Variants in NR6A1 observed in about 807,000 individuals in gnomAD.
NR6A1 encodes retinoic acid receptor-related testis-associated receptor.
Under a neutral mutation model 59.1 loss-of-function variants are expected in NR6A1, and 7 were observed. That is an observed-to-expected ratio of 0.12 (90% CI 0.07 to 0.22). The LOEUF (loss-of-function observed/expected upper bound fraction) is 0.22, where lower values mean the gene tolerates loss of function less well. NR6A1 is among the 10% of genes least tolerant of loss of function. The pLI is 1.00. For synonymous variants in NR6A1, 243 were observed against 236.1 expected, an observed-to-expected ratio of 1.03 and a Z score of -0.27; for missense variants, 468 against 611.6, an observed-to-expected ratio of 0.77 and a Z score of 2.48.
intron 2 of NR6A1, among the ~76,000 whole-genome samples, chr9:124,573,528 CTT>C (rs1300345002): frequency 7.2e-5 from 11 of 152,344 alleles, no homozygotes; most frequent in Admixed American, 6.5e-4. Context: ...TAAGCTTTCT[CTT>C]TCATGCAGTA....
At chr9:124,586,935 G>A (rs564011468) in intron 2 of NR6A1, among the ~76,000 whole-genome samples, 1 of 152,314 alleles carries the variant, frequency 6.6e-6, no homozygotes, top group Non-Finnish European at 1.5e-5. Context: ...TTTTGAAAGA[G>A]GTTCTACTGT....
At chr9:124,622,726 G>A (rs1836112262) in intron 2 of NR6A1, among the ~76,000 whole-genome samples, 1 of 152,024 alleles carries the variant, frequency 6.6e-6, no homozygotes, top group African/African-American at 2.4e-5. Flanking sequence ...TTTTGGGAAT[G>A]GGGTAGAGCA....
At chr9:124,693,013 T>C (rs1358790693) in intron 2 of NR6A1, among the ~76,000 whole-genome samples, 4 of 152,226 alleles carry the variant, frequency 2.6e-5, no homozygotes, top group African/African-American at 4.8e-5. Flanking sequence ...CTTTGAATTA[T>C]AGTTAATATG....
chr9:124,667,666 C>T (rs896231718), intron 2 of NR6A1, among the ~76,000 whole-genome samples: 2 of 152,144 alleles, frequency 1.3e-5, no homozygotes, highest in African/African-American at 4.8e-5. Flanking sequence ...TGTCCTACCA[C>T]AGCCATCAAG....
At chr9:124,703,378 T>C (rs1282323860) in intron 2 of NR6A1, among the ~76,000 whole-genome samples, 5 of 146,026 alleles carry the variant, frequency 3.4e-5, no homozygotes, top group Non-Finnish European at 6.1e-5. Flanking sequence ...ATGTCCAGGG[T>C]TTTTTTTTTC....
chr9:124,746,895 A>G (rs1376593517), intron 1 of NR6A1, among the ~76,000 whole-genome samples: 1 of 152,230 alleles, frequency 6.6e-6, no homozygotes, highest in African/African-American at 2.4e-5. Flanking sequence ...AAAATCTAGC[A>G]TAGAAAATAG....
chr9:124,630,663 T>C (rs1309325510), intron 2 of NR6A1, among the ~76,000 whole-genome samples: 1 of 138,014 alleles, frequency 7.2e-6, no homozygotes, highest in African/African-American at 2.8e-5. Context: ...GGCAAGTTAC[T>C]ACATTTCTTT....
intron 2 of NR6A1, among the ~76,000 whole-genome samples, chr9:124,585,971 C>T (rs1050017493): frequency 2.0e-5 from 3 of 152,160 alleles, no homozygotes; most frequent in Non-Finnish European, 4.4e-5. Context: ...TGCTCAGAAA[C>T]AAAGATAACT....
intron 2 of NR6A1, among the ~76,000 whole-genome samples, chr9:124,727,865 A>T (rs1276956225): frequency 6.6e-6 from 1 of 151,604 alleles, no homozygotes; most frequent in Non-Finnish European, 1.5e-5. Flanking sequence ...TTTGCATTTT[A>T]GTAGAGACGG....
chr9:124,685,338 T>G (rs1483725675), intron 2 of NR6A1, among the ~76,000 whole-genome samples: 1 of 152,164 alleles, frequency 6.6e-6, no homozygotes, highest in African/African-American at 2.4e-5. Context: ...TGGGAGGAGT[T>G]GGGGGAGACA....
chr9:124,553,149 G>A (rs1299168655), intron 3 of NR6A1, among the ~76,000 whole-genome samples: 1 of 152,154 alleles, frequency 6.6e-6, no homozygotes, highest in Admixed American at 6.5e-5. Context: ...ACTTCCTAAG[G>A]TCACAGAGCT....
Position 124,658,966 on chromosome 9 carries a change from C to T in NR6A1, c.142+74342G>A, listed in dbSNP as rs147085824. Among the ~76,000 whole-genome samples the T allele has an allele frequency of 2.6e-5, 4 of 152,236 alleles. No homozygotes were observed. The East Asian group carries it at 7.7e-4, about 29-fold the overall frequency. On this transcript the variant is annotated intron_variant, in intron 2 of 9. Transcript: ENST00000487099. ...ATGAAGTCAGTTATTATAAGGAACACAAAGGTTGCTTTCCATTCTTTGCCT... is the reference window on the plus strand; with the variant it reads ...ATGAAGTCAGTTATTATAAGGAACATAAAGGTTGCTTTCCATTCTTTGCCT...
intron 3 of NR6A1, among the ~76,000 whole-genome samples, chr9:124,553,549 C>CTTTTTTTTTTTTTTTAT (rs1833840977): frequency 4.2e-5 from 2 of 47,324 alleles, no homozygotes; most frequent in Non-Finnish European, 8.0e-5. Context: ...TTTAGCTTGA[C>CTTTTTTTTTTTTTTTAT]TTTTTTTTTT....
At chr9:124,597,281 C>T in intron 2 of NR6A1, among the ~76,000 whole-genome samples, 1 of 116,394 alleles carries the variant, frequency 8.6e-6, no homozygotes, top group Non-Finnish European at 1.7e-5. Flanking sequence ...GCTTTCCCAC[C>T]CCCCACCCCA....
At chr9:124,709,916 A>G (rs1839228866) in intron 2 of NR6A1, among the ~76,000 whole-genome samples, 1 of 151,702 alleles carries the variant, frequency 6.6e-6, no homozygotes, top group South Asian at 2.1e-4. Context: ...ACTGCACTCC[A>G]GCCTGAGCAA....
At chr9:124,532,223 A>G (rs1282583057) in intron 7 of NR6A1, among the ~76,000 whole-genome samples, 2 of 152,166 alleles carry the variant, frequency 1.3e-5, no homozygotes, top group African/African-American at 4.8e-5. Context: ...CCCTGCACAT[A>G]GCAACCATCC....
intron 2 of NR6A1, among the ~76,000 whole-genome samples, chr9:124,697,631 A>T (rs1385279350): frequency 6.6e-6 from 1 of 152,042 alleles, no homozygotes; most frequent in Non-Finnish European, 1.5e-5. Context: ...ACATAAAAAG[A>T]TGGTGAAAAA....
intron 2 of NR6A1, among the ~76,000 whole-genome samples, chr9:124,644,495 G>A (rs530367982): frequency 1.8e-4 from 28 of 151,524 alleles, no homozygotes; most frequent in African/African-American, 5.1e-4. Context: ...CAGGTGATCC[G>A]CCCGCCTCAG....
intron 1 of NR6A1, among the ~76,000 whole-genome samples, chr9:124,761,569 T>A (rs145061587): frequency 5.9e-5 from 9 of 152,328 alleles, no homozygotes; most frequent in African/African-American, 1.9e-4. Flanking sequence ...ATGCCTCTCC[T>A]ATACAGACTT....
Sources: gnomAD v4.1 joint callset for allele counts (sites outside exome capture counted in the v4.1 genomes callset) on GRCh38, gnomAD v4.1.1 for gene constraint, MANE v1.5 for transcripts, NCBI Gene and HGNC (gene_info 2026-07-23, HGNC 2026-07-21) for gene names.